TTLL5: variants seen among roughly 807,000 people sequenced by gnomAD.
The protein encoded by TTLL5 is tubulin polyglutamylase TTLL5.
A neutral mutation model predicts 168.4 loss-of-function variants in TTLL5; 132 were observed. The observed-to-expected ratio is 0.78, with a 90% CI of 0.68 to 0.91. The LOEUF (loss-of-function observed/expected upper bound fraction) is 0.91. TTLL5 is among the 40% of genes least tolerant of loss of function. The pLI is 0.00. For missense variants in TTLL5, 1,545 were observed against 1,581.5 expected, an observed-to-expected ratio of 0.98 and a Z score of 0.39; for synonymous variants, 546 against 558.6, an observed-to-expected ratio of 0.98 and a Z score of 0.32.
chr14:75,685,962 A>G (rs1885012923), intron 5 of TTLL5, among the ~76,000 whole-genome samples: 1 of 152,210 alleles, frequency 6.6e-6, no homozygotes, highest in Non-Finnish European at 1.5e-5. Context: ...ACCCAGGAAC[A>G]TGCATTTTTT....
intron 31 of TTLL5, among the ~76,000 whole-genome samples, chr14:75,932,220 T>G (rs2140171252): frequency 6.6e-6 from 1 of 152,312 alleles, no homozygotes; most frequent in East Asian, 1.9e-4. Context: ...GTAATCAACT[T>G]TTTTTCTGAT....
chr14:75,764,433 A>G (rs1012212612), intron 18 of TTLL5, among the ~76,000 whole-genome samples, 182 bp from the exon 19 acceptor site: 14 of 152,254 alleles, frequency 9.2e-5, no homozygotes, highest in African/African-American at 3.4e-4. Context: ...AATAAATTCA[A>G]ATGGGTCACT....
Position 75,835,846 on chromosome 14 carries a change from T to C in TTLL5, c.3326+15685T>C, listed in dbSNP as rs1245992552. ...AATGCAAATCAAAACTTCAGTGAGA[T>C]ACCATCTCACCCCAGTTAAAATGGC... On this transcript the variant is annotated intron_variant, in intron 28 of 31. Coordinates refer to ENST00000298832, the MANE Select transcript of TTLL5 (RefSeq NM_015072.5). Among the ~76,000 whole-genome samples the C allele has an allele frequency of 2.0e-5, 3 of 152,186 alleles. No homozygotes were observed. In the East Asian group the frequency reaches 5.8e-4, roughly 29 times the overall value.
Position 75,745,120 on chromosome 14 carries a change from A to G in TTLL5, c.1307A>G (p.Asp436Gly), listed in dbSNP as rs745664960. Residue 436 changes from aspartate (D) to glycine (G), a missense_variant, in exon 16 of 32, where the codon GAT becomes GGT. By Grantham distance (94) the Asp-to-Gly change is moderately conservative (BLOSUM62 -1). Transcript: ENST00000298832. ...CGTTGCCGTCCACTCTCTGCCAGTGATGCGGAAATGAAAAACCTCGTGGGC... is the reference window on the plus strand; with the variant it reads ...CGTTGCCGTCCACTCTCTGCCAGTGGTGCGGAAATGAAAAACCTCGTGGGC... ...PQRCRPLSASDAEMKNLVGSA... is the reference protein window; with the variant it reads ...PQRCRPLSASGAEMKNLVGSA... 6.2e-7 allele frequency: 1 copy of G among 1,613,932 alleles called. No individual in the cohort carries two copies. Among genetic ancestry groups the G allele is most frequent in the South Asian group, 1.1e-5 (1 of 91,064 alleles).
intron 30 of TTLL5, among the ~76,000 whole-genome samples, chr14:75,888,808 G>A (rs937225744): frequency 2.0e-5 from 3 of 151,954 alleles, no homozygotes; most frequent in Admixed American, 2.0e-4. Flanking sequence ...GGTGGCAGGT[G>A]CCTGTAATCC....
chr14:75,890,018 A>G (rs570018855), intron 30 of TTLL5, among the ~76,000 whole-genome samples: 1 of 152,322 alleles, frequency 6.6e-6, no homozygotes, highest in East Asian at 1.9e-4. Context: ...ATACTGAAAG[A>G]TGAAAAAGAA....
Position 75,954,794 on chromosome 14 carries a change from A to G in TTLL5, c.*348A>G. The G allele has an allele frequency of 7.2e-6, 2 of 276,902 alleles. No homozygotes were observed. Among genetic ancestry groups the G allele is most frequent in the Non-Finnish European group, 6.8e-6 (1 of 147,658 alleles). The allele number at this position is 276,902 out of a possible 1,614,324, so 17.2% of individuals were successfully genotyped here. A position where few individuals can be genotyped will look rare whatever the true frequency, so the allele number is the denominator to read the frequency against. ...CTCTGTCCCTTTACTGCTGCTGCAC[A>G]GAGATGATATAAAAGAGGCTCTTTG... On this transcript the variant is annotated 3_prime_UTR_variant, in exon 32 of 32. Transcript: ENST00000298832.
chr14:75,911,851 AATC>A (rs1412035109), intron 31 of TTLL5, among the ~76,000 whole-genome samples: 1 of 152,230 alleles, frequency 6.6e-6, no homozygotes, highest in Non-Finnish European at 1.5e-5. Context: ...CTCCAAAATT[AATC>A]ATCATCGTAC....
At chr14:75,677,137 T>G (rs546527872) in intron 3 of TTLL5, among the ~76,000 whole-genome samples, 1 of 152,232 alleles carries the variant, frequency 6.6e-6, no homozygotes, top group South Asian at 2.1e-4. Flanking sequence ...CTAATGACTT[T>G]TATTATTTTT....
intron 7 of TTLL5, among the ~76,000 whole-genome samples, chr14:75,700,647 A>C (rs1321318759): frequency 3.3e-5 from 5 of 152,132 alleles, no homozygotes; most frequent in Non-Finnish European, 7.4e-5. Flanking sequence ...GGGTCTCTCA[A>C]GTTGTCGGCT....
intron 10 of TTLL5, among the ~76,000 whole-genome samples, 197 bp from the exon 11 acceptor site, chr14:75,719,538 A>G (rs1594921820): frequency 6.6e-6 from 1 of 152,288 alleles, no homozygotes; most frequent in South Asian, 2.1e-4. Context: ...AACTGTATGC[A>G]TTTTCATTTC....
chr14:75,731,964 G>A (rs891528944), intron 12 of TTLL5, among the ~76,000 whole-genome samples: 27 of 150,898 alleles, frequency 1.8e-4, no homozygotes, highest in African/African-American at 6.6e-4. Flanking sequence ...AGCAGTGTTG[G>A]TGTTGGTTGT....
At chr14:75,852,667 A>G (rs1896923819) in intron 28 of TTLL5, among the ~76,000 whole-genome samples, 1 of 152,238 alleles carries the variant, frequency 6.6e-6, no homozygotes, top group South Asian at 2.1e-4. Context: ...AGGTTAAAAA[A>G]AAATTAATTT....
At position 75,820,064 on chromosome 14, in the gene TTLL5, C is replaced by G; in HGVS notation, c.3229C>G (p.Pro1077Ala). Reference sequence around the variant, plus strand: ...AAACAGAAGCAGTGCTTCAGCTCCCCCAACCCTCCGACCCATCATCAGTCC... The same window carrying G: ...AAACAGAAGCAGTGCTTCAGCTCCCGCAACCCTCCGACCCATCATCAGTCC... ...IINRSSASAP[P>A]TLRPIISPSG... The change falls in exon 28 of 32, where the codon CCA becomes GCA. Residue 1077 changes from proline (P) to alanine (A), a missense_variant. Coordinates refer to ENST00000298832, the MANE Select transcript of TTLL5 (RefSeq NM_015072.5). 2 of 1,608,240 alleles carry G rather than the reference C, an allele frequency of 1.2e-6. No homozygotes were observed. The highest frequency in any genetic ancestry group is 1.7e-6 in the Non-Finnish European group (2 of 1,177,622).
intron 11 of TTLL5, 76 bp from the exon 12 acceptor site, chr14:75,720,520 T>C (rs1361950653): frequency 3.6e-6 from 4 of 1,100,418 alleles, no homozygotes; most frequent in Non-Finnish European, 5.5e-6. Flanking sequence ...TTTATAGTTA[T>C]ATTGTTATCT....
chr14:75,772,297 G>C (rs1200534507), intron 21 of TTLL5, among the ~76,000 whole-genome samples: 2 of 152,132 alleles, frequency 1.3e-5, no homozygotes, highest in East Asian at 3.8e-4. Context: ...CAGGTTATAC[G>C]TGATGAAACC....
At chr14:75,939,251 A>G (rs2034523918) in intron 31 of TTLL5, among the ~76,000 whole-genome samples, 1 of 152,244 alleles carries the variant, frequency 6.6e-6, no homozygotes. Context: ...AAGTGTAAGT[A>G]TTATGGGAAT....
intron 28 of TTLL5, among the ~76,000 whole-genome samples, chr14:75,839,684 C>G (rs1394898278): frequency 2.6e-5 from 4 of 152,134 alleles, no homozygotes; most frequent in African/African-American, 9.7e-5. Flanking sequence ...CCCACCGGTC[C>G]CTCTCACAAC....
At chr14:75,857,894 G>T (rs1466415527) in intron 28 of TTLL5, among the ~76,000 whole-genome samples, 3 of 151,816 alleles carry the variant, frequency 2.0e-5, no homozygotes, top group Non-Finnish European at 4.4e-5. Context: ...TAAGCGATCC[G>T]CCCACCTCGA....
Sources: allele counts gnomAD v4.1 joint callset (sites outside exome capture counted in the v4.1 genomes callset), GRCh38; gene constraint gnomAD v4.1.1; transcripts MANE v1.5; gene names NCBI Gene and HGNC (gene_info 2026-07-23, HGNC 2026-07-21).